CRISP2: variants seen among roughly 807,000 people sequenced by gnomAD.
The protein encoded by CRISP2 is cysteine-rich secretory protein 2.
A neutral mutation model predicts 31.7 loss-of-function variants in CRISP2; 29 were observed. The observed-to-expected ratio is 0.92, with a 90% CI of 0.68 to 1.25. The LOEUF (loss-of-function observed/expected upper bound fraction) is 1.25. Ranked by LOEUF, CRISP2 falls within the 50% of genes most tolerant of loss-of-function variation. The pLI is 0.00. For missense variants in CRISP2, 318 were observed against 286.5 expected (o/e 1.11, Z -0.79); for synonymous variants, 111 against 101.4 (o/e 1.09, Z -0.57).
At chr6:49,701,187 C>G (rs1252273375) in intron 4 of CRISP2, among the ~76,000 whole-genome samples, 1 of 151,562 alleles carries the variant, frequency 6.6e-6, no homozygotes. Flanking sequence ...TGAATAAGTT[C>G]TTTACTGGTG....
In CRISP2 at chr6:49,700,778, C is replaced by T. The variant is rs1317921998; in HGVS notation, c.73G>A (p.Ala25Thr). 39 of 1,591,304 alleles carry T rather than the reference C, an allele frequency of 2.5e-5. No homozygotes were observed. The highest frequency in any genetic ancestry group is 9.0e-5 in the East Asian group (4 of 44,552). The change falls in exon 5 of 10, where the codon GCT (alanine) becomes ACT (threonine). Residue 25 changes from alanine to threonine, a missense_variant. By Grantham distance (58) the Ala-to-Thr change is moderately conservative. Transcript: ENST00000339139. The stretch of plus-strand genomic sequence containing the variant: ...TGGGTGGTTAACAAAGCAGTAAAAG[C>T]GGGATCCTAAAAGAAAATAAAATTG... ...PSLPAEGKDP[A>T]FTALLTTQLQ...
intron 4 of CRISP2, among the ~76,000 whole-genome samples, chr6:49,707,309 G>A (rs1228947644): frequency 6.6e-6 from 1 of 152,112 alleles, no homozygotes; most frequent in African/African-American, 2.4e-5. Context: ...AGGAAGGAGG[G>A]ATCAATTTTT....
chr6:49,680,603 AT>A, the CRISP2 span, among the ~76,000 whole-genome samples: 1 of 152,162 alleles, frequency 6.6e-6, no homozygotes, highest in African/African-American at 2.4e-5. Context: ...GGCTGAACTA[AT>A]TTACACTCTC....
chr6:49,709,713 C>G (rs541058092), intron 3 of CRISP2, among the ~76,000 whole-genome samples: 22 of 152,116 alleles, frequency 1.4e-4, no homozygotes, highest in Admixed American at 1.4e-3. Context: ...TGTGCAAATA[C>G]TTTATTAGCT....
At chr6:49,687,211 A>T in the CRISP2 span, among the ~76,000 whole-genome samples, 1 of 152,212 alleles carries the variant, frequency 6.6e-6, no homozygotes, top group Admixed American at 6.5e-5. Flanking sequence ...TTTAAATACA[A>T]TTATCAGTAC....
In CRISP2 at chr6:49,692,896, A is replaced by G; in HGVS notation, c.609T>C (p.Asn203=). The stretch of plus-strand genomic sequence containing the variant: ...TTAGGAGATCTTGATACTGGCAACT[A>G]TTGGCTGTAACAAAAACAGATTAGT... The part of the protein sequence containing the change: ...PDDCDKGLCT[N]SCQYQDLLSN... Residue 203 remains asparagine (N), a synonymous_variant, in exon 10 of 10, where the codon AAT becomes AAC. Transcript: ENST00000339139. The G allele has an allele frequency of 6.2e-7, 1 of 1,613,290 alleles. No individual in the cohort carries two copies. Among genetic ancestry groups the G allele is most frequent in the Non-Finnish European group, 8.5e-7 (1 of 1,179,380 alleles).
chr6:49,699,756 T>A (rs756379455), intron 6 of CRISP2, 48 bp downstream of exon 6: 2 of 1,299,242 alleles, frequency 1.5e-6, no homozygotes. Context: ...TGCTCTATTA[T>A]TATTTTATTC....
chr6:49,683,094 G>C, the CRISP2 span, among the ~76,000 whole-genome samples: 1 of 151,802 alleles, frequency 6.6e-6, no homozygotes. Flanking sequence ...GAAGGCAGAG[G>C]TTGTAGAGAG....
rs998004932 is a variant in CRISP2, at chr6:49,692,599, G to A, written c.*174C>T. 3.5e-6 allele frequency: 2 copies of A among 566,624 alleles called. No individual in the cohort carries two copies. Among genetic ancestry groups the A allele is most frequent in the South Asian group, 2.9e-5 (1 of 35,040 alleles). 35.1% of individuals were successfully genotyped at this position (566,624 alleles called of 1,614,324 possible). A position where few individuals can be genotyped will look rare whatever the true frequency, so the allele number is the denominator to read the frequency against. On this transcript the variant is annotated 3_prime_UTR_variant, in exon 10 of 10. Transcript: ENST00000339139. ...GTTCACAGTTGTCATCATCTACTAT[G>A]CTACTTTTGTAAATCATTGCCTGAA... is the stretch of plus-strand genomic sequence containing the variant.
intron 9 of CRISP2, among the ~76,000 whole-genome samples, chr6:49,693,151 A>T (rs768076944): frequency 2.0e-5 from 3 of 151,990 alleles, no homozygotes; most frequent in Non-Finnish European, 4.4e-5. Flanking sequence ...TAAATCCATC[A>T]CTCTTTAAAT....
At chr6:49,706,706 T>G (rs181402447) in intron 4 of CRISP2, among the ~76,000 whole-genome samples, 2 of 152,212 alleles carry the variant, frequency 1.3e-5, no homozygotes, top group African/African-American at 4.8e-5. Flanking sequence ...GGATTTTTTC[T>G]GACACCTTGC....
intron 2 of CRISP2, among the ~76,000 whole-genome samples, chr6:49,711,650 G>A (rs1392903154): frequency 6.6e-6 from 1 of 152,106 alleles, no homozygotes; most frequent in African/African-American, 2.4e-5. Context: ...TAACTACTGT[G>A]AAGGTTACCA....
intron 4 of CRISP2, among the ~76,000 whole-genome samples, chr6:49,701,077 G>C (rs780447): frequency 0.55 from 83,064 of 151,756 alleles, 22,982 homozygotes; most frequent in Admixed American, 0.64. Flanking sequence ...CTCATGGCAT[G>C]ACAAACTAAA....
chr6:49,688,853 T>A (rs1193694694), downstream of CRISP2, among the ~76,000 whole-genome samples: 1 of 152,090 alleles, frequency 6.6e-6, no homozygotes, highest in Non-Finnish European at 1.5e-5. Flanking sequence ...TAGATTATGA[T>A]TTTCTCTTTT....
intron 4 of CRISP2, among the ~76,000 whole-genome samples, chr6:49,704,249 A>T (rs1001297732): frequency 6.6e-6 from 1 of 151,794 alleles, no homozygotes; most frequent in East Asian, 1.9e-4. Context: ...AAATTTTTTC[A>T]TTCATACTTG....
the CRISP2 span, among the ~76,000 whole-genome samples, chr6:49,682,778 C>G: frequency 6.9e-6 from 1 of 145,886 alleles, no homozygotes; most frequent in Admixed American, 7.0e-5. Context: ...CCCTCCCTTC[C>G]CTCATTCCTG....
At chr6:49,697,407 G>GGTGTGTGT (rs3056352) in intron 8 of CRISP2, among the ~76,000 whole-genome samples, 2 of 151,046 alleles carry the variant, frequency 1.3e-5, no homozygotes, top group Non-Finnish European at 1.5e-5. Context: ...TGTGTGTGGT[G>GGTGTGTGT]GTGTGTGTGT....
chr6:49,708,547 C>G lies in CRISP2; in HGVS notation c.66+584G>C, dbSNP rs534317610. Among the ~76,000 whole-genome samples, 15 of 152,120 alleles carry G rather than the reference C, an allele frequency of 9.9e-5. 1 individual carries two copies. The South Asian group carries it at 3.1e-3, about 32-fold the overall frequency. On this transcript the variant is annotated intron_variant, in intron 4 of 9. Coordinates refer to ENST00000339139, the MANE Select transcript of CRISP2 (RefSeq NM_003296.4). Reference sequence around the variant, plus strand: ...AGATTGGAGTGATGCAGCCACAAGCCAAGGAATGCCAAGCAGTGGCAGAGA... The same window carrying G: ...AGATTGGAGTGATGCAGCCACAAGCGAAGGAATGCCAAGCAGTGGCAGAGA...
chr6:49,679,824 G>A, the CRISP2 span, among the ~76,000 whole-genome samples: 1 of 152,028 alleles, frequency 6.6e-6, no homozygotes, highest in Non-Finnish European at 1.5e-5. Flanking sequence ...TTGTGCCTCA[G>A]CCTCCCAAGT....
Sources: gnomAD v4.1 joint callset for allele counts (sites outside exome capture counted in the v4.1 genomes callset) on GRCh38, gnomAD v4.1.1 for gene constraint, MANE v1.5 for transcripts, NCBI Gene and HGNC (gene_info 2026-07-23, HGNC 2026-07-21) for gene names.